Variants in DACH2 observed in about 807,000 individuals in gnomAD.
DACH2 encodes dachshund homolog 2.
A neutral mutation model predicts 35.8 loss-of-function variants in DACH2; 17 were observed. That is an observed-to-expected ratio of 0.48 (90% CI 0.33 to 0.71). The LOEUF is 0.71. Ranked by LOEUF, DACH2 falls within the 30% of genes least tolerant of loss-of-function variation. The pLI, the probability that DACH2 is intolerant of heterozygous loss-of-function variation, is 0.02. For missense variants in DACH2, 469 were observed against 472.7 expected, an observed-to-expected ratio of 0.99 and a Z score of 0.07; for synonymous variants, 195 against 177.3, an observed-to-expected ratio of 1.10 and a Z score of -0.79.
intron 1 of DACH2, among the ~76,000 whole-genome samples, chrX:86,326,685 TC>T (rs2035121919): frequency 9.0e-6 from 1 of 110,830 alleles, no homozygotes; most frequent in Non-Finnish European, 1.9e-5. Flanking sequence ...CTTGCCCTTC[TC>T]CCTCCTTGTC....
At chrX:86,348,737 CTT>C (rs1427797377) in intron 1 of DACH2, among the ~76,000 whole-genome samples, 1 of 112,328 alleles carries the variant, frequency 8.9e-6, no homozygotes, top group Non-Finnish European at 1.9e-5. Context: ...AGCATTTGCA[CTT>C]TGTTTTATAA....
intron 1 of DACH2, among the ~76,000 whole-genome samples, chrX:86,245,050 A>G (rs916017271): frequency 7.1e-5 from 8 of 112,332 alleles, no homozygotes; most frequent in Non-Finnish European, 1.9e-5. Context: ...TAAGAACAAC[A>G]AAATTAAGGT....
chrX:86,777,158 G>A (rs1461122227), intron 7 of DACH2, among the ~76,000 whole-genome samples: 3 of 111,070 alleles, frequency 2.7e-5, no homozygotes, highest in Non-Finnish European at 5.7e-5. Context: ...TTGAGGAATC[G>A]CCACACTGTC....
chrX:86,728,315 A>T (rs1018514312), intron 6 of DACH2, among the ~76,000 whole-genome samples: 10 of 112,227 alleles, frequency 8.9e-5, no homozygotes, highest in African/African-American at 3.2e-4. Flanking sequence ...TTCTAACAAC[A>T]TATGCTCTTA....
chrX:86,304,193 C>T (rs1223167484), intron 1 of DACH2, among the ~76,000 whole-genome samples: 1 of 111,616 alleles, frequency 9.0e-6, no homozygotes, highest in Admixed American at 9.6e-5. Context: ...AACTAGACCC[C>T]TCTCTCTTAC....
At chrX:86,754,872 G>A (rs952852203) in intron 7 of DACH2, among the ~76,000 whole-genome samples, 35 of 111,495 alleles carry the variant, frequency 3.1e-4, no homozygotes, top group African/African-American at 1.1e-3. Flanking sequence ...TATTCTGAAC[G>A]GTGCTGCAAA....
At chrX:86,335,961 G>A (rs988576976) in intron 1 of DACH2, among the ~76,000 whole-genome samples, 1 of 111,802 alleles carries the variant, frequency 8.9e-6, no homozygotes. Context: ...AGCATGAAGG[G>A]CTGTTGAATT....
intron 3 of DACH2, among the ~76,000 whole-genome samples, chrX:86,595,552 C>T (rs1026497648): frequency 9.0e-6 from 1 of 110,631 alleles, no homozygotes; most frequent in African/African-American, 3.3e-5. Flanking sequence ...TTCTTAAATC[C>T]ACTGTGACAG....
chrX:86,762,415 G>A (rs1302913345), intron 7 of DACH2, among the ~76,000 whole-genome samples: 3 of 111,516 alleles, frequency 2.7e-5, no homozygotes, highest in Non-Finnish European at 5.6e-5. Context: ...GCATGGAAAT[G>A]AGGAGAGAAA....
At chrX:86,269,566 T>C (rs946544936) in intron 1 of DACH2, among the ~76,000 whole-genome samples, 1 of 111,637 alleles carries the variant, frequency 9.0e-6, no homozygotes, top group African/African-American at 3.3e-5. Context: ...TTTTTAAAAG[T>C]GCAAGATCTG....
At chrX:86,634,260 C>T (rs763804720) in intron 3 of DACH2, among the ~76,000 whole-genome samples, 128 of 111,198 alleles carry the variant, frequency 1.2e-3, no homozygotes, top group Non-Finnish European at 4.2e-4. Context: ...GAGGTTTGGG[C>T]GGGGAGACAA....
intron 1 of DACH2, among the ~76,000 whole-genome samples, chrX:86,303,513 G>A (rs1435406660): frequency 9.0e-6 from 1 of 110,570 alleles, no homozygotes; most frequent in African/African-American, 3.3e-5. Flanking sequence ...AAGTGGAAAT[G>A]TTCAATCAGA....
chrX:86,665,924 ACTTT>A (rs954806749), intron 4 of DACH2, among the ~76,000 whole-genome samples: 2 of 111,565 alleles, frequency 1.8e-5, no homozygotes, highest in African/African-American at 6.5e-5. Flanking sequence ...AGATGGTTAA[ACTTT>A]CTTTTCATAA....
At chrX:86,565,091 A>G (rs1452195238) in intron 3 of DACH2, among the ~76,000 whole-genome samples, 1 of 111,364 alleles carries the variant, frequency 9.0e-6, no homozygotes, top group Non-Finnish European at 1.9e-5. Context: ...TCTCTGCATG[A>G]TGTAAAAGTG....
At chrX:86,299,466 C>A (rs1602377708) in intron 1 of DACH2, among the ~76,000 whole-genome samples, 1 of 111,770 alleles carries the variant, frequency 8.9e-6, no homozygotes, top group African/African-American at 3.3e-5. Flanking sequence ...ATGCTCAGTA[C>A]TTCTTTGCTG....
At chrX:86,289,694 A>G (rs2034233495) in intron 1 of DACH2, among the ~76,000 whole-genome samples, 1 of 106,088 alleles carries the variant, frequency 9.4e-6, no homozygotes, top group South Asian at 4.4e-4. Flanking sequence ...TTCTTGCGAT[A>G]GTTTACTGAG....
At chrX:86,787,976 G>A (rs2042154174) in intron 7 of DACH2, among the ~76,000 whole-genome samples, 1 of 111,240 alleles carries the variant, frequency 9.0e-6, no homozygotes, top group Admixed American at 9.6e-5. Context: ...AGAGATTCGA[G>A]TGCACTACTT....
At chrX:86,520,564 T>TGTTTTATGAATCTGGGTGCTTCTGG (rs1288687366) in intron 3 of DACH2, among the ~76,000 whole-genome samples, 1 of 111,707 alleles carries the variant, frequency 9.0e-6, no homozygotes, top group Non-Finnish European at 1.9e-5. Flanking sequence ...TCCAAGAACT[T>TGTTTTATGAATCTGGGTGCTTCTGG]GTTTTATGAA....
chrX:86,356,900 G>A lies in DACH2; in HGVS notation c.489-19924G>A, dbSNP rs775979741. 8.6e-4 allele frequency among the ~76,000 whole-genome samples: 95 copies of A among 111,079 alleles called. 1 individual carries two copies. Among genetic ancestry groups the A allele is most frequent in the Admixed American group, 2.8e-3 (29 of 10,407 alleles). The stretch of plus-strand genomic sequence containing the variant: ...GGTGAAGTCTGAGATTTTAGTGCAC[G>A]TATCACTGGAGTAGCATACACTGTA... On this transcript the variant is annotated intron_variant, in intron 1 of 11. Coordinates refer to ENST00000373125, the MANE Select transcript of DACH2 (RefSeq NM_053281.3).
Sources: gnomAD v4.1 joint callset for allele counts (sites outside exome capture counted in the v4.1 genomes callset) on GRCh38, gnomAD v4.1.1 for gene constraint, MANE v1.5 for transcripts, NCBI Gene and HGNC (gene_info 2026-07-23, HGNC 2026-07-21) for gene names.